Variants in ZBTB7A observed in about 807,000 individuals in gnomAD.
ZBTB7A encodes the protein zinc finger and BTB domain containing 7A.
A neutral mutation model predicts 26.7 loss-of-function variants in ZBTB7A; 7 were observed. The observed-to-expected ratio is 0.26, with a 90% CI of 0.15 to 0.49. The LOEUF (loss-of-function observed/expected upper bound fraction) is 0.49. Ranked by LOEUF, ZBTB7A falls within the 20% of genes least tolerant of loss-of-function variation. The probability of loss-of-function intolerance (pLI) is 0.98; values close to 1 mark genes in which losing one functional copy is unlikely to be tolerated. For missense variants in ZBTB7A, 617 were observed against 919.5 expected (o/e 0.67, Z 4.25); for synonymous variants, 452 against 441.0 (o/e 1.02, Z -0.31).
At chr19:4,061,460 G>A (rs1236859862) in intron 1 of ZBTB7A, among the ~76,000 whole-genome samples, 1 of 152,102 alleles carries the variant, frequency 6.6e-6, no homozygotes, top group African/African-American at 2.4e-5. Flanking sequence ...GCCTGGCCCA[G>A]TCCTCGGCCT....
intron 1 of ZBTB7A, among the ~76,000 whole-genome samples, chr19:4,059,473 C>T (rs1249835705): frequency 2.0e-5 from 3 of 152,114 alleles, no homozygotes; most frequent in Admixed American, 6.5e-5. Context: ...CTCAAAGCAG[C>T]GAGGCCCGGG....
At chr19:4,059,236 C>T (rs1045615421) in intron 1 of ZBTB7A, among the ~76,000 whole-genome samples, 14 of 152,214 alleles carry the variant, frequency 9.2e-5, no homozygotes, top group African/African-American at 3.4e-4. Context: ...GCCGTTCCTC[C>T]CCTCGGGTGA....
Position 4,055,035 on chromosome 19 carries a change from G to T in ZBTB7A, c.198C>A (p.Gly66=), listed in dbSNP as rs953710466. 3.1e-6 allele frequency: 5 copies of T among 1,610,438 alleles called. No individual in the cohort carries two copies. The highest frequency in any genetic ancestry group is 4.2e-6 in the Non-Finnish European group (5 of 1,178,854). The change falls in exon 2 of 3, where the codon GGC becomes GGA. Residue 66 remains glycine, a synonymous_variant. Coordinates refer to ENST00000322357, the MANE Select transcript of ZBTB7A (RefSeq NM_015898.4). The part of the protein sequence containing the change: ...SQYFKKLFTS[G]AVVDQQNVYE... ...ACACGTTCTGCTGGTCCACCACGGCGCCCGACGTGAACAGCTTCTTGAAGT... is the reference window on the plus strand; with the variant it reads ...ACACGTTCTGCTGGTCCACCACGGCTCCCGACGTGAACAGCTTCTTGAAGT...
rs1299968386 is a variant in ZBTB7A, at chr19:4,054,869, C to T, written c.364G>A (p.Val122Met). ...TGCCGGTCCAGGAGGTCGGCGCACA[C>T]GTGGCTCACGGCGGGGATCTCCAGC... is the stretch of plus-strand genomic sequence containing the variant. ...RLLEIPAVSHVCADLLDRQIL... is the reference protein window; with the variant it reads ...RLLEIPAVSHMCADLLDRQIL... The change falls in exon 2 of 3, where the codon GTG becomes ATG. Residue 122 changes from valine (V) to methionine (M), a missense_variant. Val to Met is a conservative substitution (Grantham distance 21). Around this residue, in one of 5 missense-constraint regions of ZBTB7A, gnomAD observed 82 missense variants for 195.2 expected, o/e 0.42. Transcript: ENST00000322357. 1 of 1,610,282 alleles carries T rather than the reference C, an allele frequency of 6.2e-7. No individual in the cohort carries two copies. The highest frequency in any genetic ancestry group is 8.5e-7 in the Non-Finnish European group (1 of 1,178,384).
At chr19:4,061,068 A>C (rs2040633219) in intron 1 of ZBTB7A, among the ~76,000 whole-genome samples, 1 of 152,096 alleles carries the variant, frequency 6.6e-6, no homozygotes, top group Non-Finnish European at 1.5e-5. Context: ...GGGGCCCCCC[A>C]CTGTGGTCAG....
intron 1 of ZBTB7A, among the ~76,000 whole-genome samples, chr19:4,061,462 C>G (rs1022466877): frequency 6.6e-6 from 1 of 152,158 alleles, no homozygotes. Flanking sequence ...CTGGCCCAGT[C>G]CTCGGCCTGG....
chr19:4,046,176 CGGG>C lies in ZBTB7A; in HGVS notation c.*1573_*1575del, dbSNP rs1032350770. ...CAAAAAAGGGGACAGAAAGGGGGAGCGGGGGGAACACAGCACGAACACCCCACA... is the reference window on the plus strand; with the variant it reads ...CAAAAAAGGGGACAGAAAGGGGGAGCGGGAACACAGCACGAACACCCCACA... On this transcript the variant is annotated 3_prime_UTR_variant, in exon 3 of 3. Coordinates refer to ENST00000322357, the MANE Select transcript of ZBTB7A (RefSeq NM_015898.4). 9 of 396,828 alleles carry C rather than the reference CGGG, an allele frequency of 2.3e-5. No individual in the cohort carries two copies. The highest frequency in any genetic ancestry group is 4.0e-5 in the Non-Finnish European group (9 of 225,222). The allele number at this position is 396,828 out of a possible 1,614,324, so 24.6% of individuals were successfully genotyped here. A position where few individuals can be genotyped will look rare whatever the true frequency, so the allele number is the denominator to read the frequency against.
At chr19:4,056,593 G>T (rs531524259) in intron 1 of ZBTB7A, among the ~76,000 whole-genome samples, 1 of 152,236 alleles carries the variant, frequency 6.6e-6, no homozygotes, top group South Asian at 2.1e-4. Flanking sequence ...AATTAGGCTG[G>T]GTGTGGTGGC....
At position 4,054,432 on chromosome 19, in the gene ZBTB7A, C is replaced by A; in HGVS notation, c.801G>T (p.Thr267=). The change falls in exon 2 of 3, where the codon ACG becomes ACT. Residue 267 remains threonine (T), a synonymous_variant. Transcript: ENST00000322357. ...CGCCGCGGCCGTAGTGGCCGTTCTG[C>A]GTGGCGGCCGGCGGGGCCACCGGCG... ...FPPPVAPPAA[T]QNGHYGRGGE... is the part of the protein sequence containing the mutation. 7.4e-7 allele frequency: 1 copy of A among 1,360,478 alleles called. No individual in the cohort carries two copies. Among genetic ancestry groups the A allele is most frequent in the Non-Finnish European group, 9.4e-7 (1 of 1,064,422 alleles). The allele number at this position is 1,360,478 out of a possible 1,614,324, so 84.3% of individuals were successfully genotyped here. A position where few individuals can be genotyped will look rare whatever the true frequency, so the allele number is the denominator to read the frequency against.
intron 1 of ZBTB7A, among the ~76,000 whole-genome samples, chr19:4,064,175 C>T (rs1238045538): frequency 6.6e-6 from 1 of 152,246 alleles, no homozygotes; most frequent in Non-Finnish European, 1.5e-5. Context: ...CGTGGCTGCC[C>T]GCCCGGGCCC....
At chr19:4,051,321 G>A (rs1454506423) in intron 2 of ZBTB7A, among the ~76,000 whole-genome samples, 5 of 152,002 alleles carry the variant, frequency 3.3e-5, no homozygotes, top group Non-Finnish European at 5.9e-5. Context: ...TCAATAGACT[G>A]AAGACTTCTT....
chr19:4,043,804 G>C lies in ZBTB7A; in HGVS notation c.*3948C>G. Among the ~76,000 whole-genome samples the C allele has an allele frequency of 8.4e-6, 1 of 119,318 alleles. No homozygotes were observed. The allele number at this position is 119,318 out of a possible 152,430, so 78.3% of individuals were successfully genotyped here. On this transcript the variant is annotated 3_prime_UTR_variant, in exon 3 of 3. Transcript: ENST00000322357. The stretch of plus-strand genomic sequence containing the variant: ...GGTTGTAGCTCCTGGGGCACCCCCA[G>C]CCTCCAGGCCCCTGACCCGTCCTGC...
intron 2 of ZBTB7A, among the ~76,000 whole-genome samples, chr19:4,049,244 C>G (rs2040471585): frequency 8.5e-6 from 1 of 117,408 alleles, no homozygotes; most frequent in Non-Finnish European, 1.8e-5. Flanking sequence ...GCTACGTTAC[C>G]CAGGCTAATC....
At chr19:4,050,755 C>G (rs969028173) in intron 2 of ZBTB7A, among the ~76,000 whole-genome samples, 11 of 152,146 alleles carry the variant, frequency 7.2e-5, no homozygotes, top group Non-Finnish European at 1.5e-4. Context: ...CTTTCACCAA[C>G]TCTCTTTGAC....
Position 4,054,972 on chromosome 19 carries a change from C to G in ZBTB7A, c.261G>C (p.Ala87=), listed in dbSNP as rs752385121. The G allele has an allele frequency of 1.9e-5, 31 of 1,612,034 alleles. 1 individual carries two copies. Among genetic ancestry groups the G allele is most frequent in the South Asian group, 1.9e-4 (17 of 91,052 alleles). The change falls in exon 2 of 3, where the codon GCG becomes GCC. Residue 87 remains alanine, a synonymous_variant. Transcript: ENST00000322357. ...IDFVSAEALT[A]LMDFAYTATL... ...TGGCCGTGTAGGCGAAGTCCATGAG[C>G]GCGGTGAGCGCCTCGGCGCTGACGA...
Position 4,047,653 on chromosome 19 carries a change from AGATT to A in ZBTB7A, c.*95_*98del, listed in dbSNP as rs1032625303. The A allele has an allele frequency of 1.4e-5, 18 of 1,286,028 alleles. No individual in the cohort carries two copies. The highest frequency in any genetic ancestry group is 9.3e-5 in the African/African-American group (6 of 64,188). 79.7% of individuals were successfully genotyped at this position (1,286,028 alleles called of 1,614,324 possible). A position where few individuals can be genotyped will look rare whatever the true frequency, so the allele number is the denominator to read the frequency against. ...TAGATATAGATATCTGTATATAGAT[AGATT>A]TTCTTTTTTTGTGTTTTTGGGGGGG... On this transcript the variant is annotated 3_prime_UTR_variant, in exon 3 of 3. Transcript: ENST00000322357.
Position 4,048,151 on chromosome 19 carries a change from G to A in ZBTB7A, c.1356C>T (p.Asp452=). ...QCGAAFAHNY[D]LKNHMRVHTG... is the part of the protein sequence containing the mutation. ...TGTGCACGCGCATGTGGTTCTTCAG[G>A]TCGTAGTTGTGGGCAAAGGCGGCGC... Residue 452 remains aspartate (D), a synonymous_variant, in exon 3 of 3, where the codon GAC becomes GAT. Coordinates refer to ENST00000322357, the MANE Select transcript of ZBTB7A (RefSeq NM_015898.4). The surrounding 1 kb of genome is among the most constrained non-coding windows in gnomAD (Gnocchi z 6.7). 6.2e-7 allele frequency: 1 copy of A among 1,610,082 alleles called. No homozygotes were observed. The highest frequency in any genetic ancestry group is 8.5e-7 in the Non-Finnish European group (1 of 1,179,192).
chr19:4,055,379 C>G, intron 1 of ZBTB7A, 132 bp from the exon 2 acceptor site: 9 of 1,393,398 alleles, frequency 6.5e-6, no homozygotes, highest in Non-Finnish European at 7.4e-6. Flanking sequence ...CCCACCTGCA[C>G]GTGAAGGCGG....
rs912223544 is a variant in ZBTB7A, at chr19:4,045,707, A to G, written c.*2045T>C. ...GCAGAGCGTCTATTTTCGGGGTCCC[A>G]TGCTAGCATTGCATATGCAAACGGG... On this transcript the variant is annotated 3_prime_UTR_variant, in exon 3 of 3. Coordinates refer to ENST00000322357, the MANE Select transcript of ZBTB7A (RefSeq NM_015898.4). This position sits in a 1 kb window ranked among gnomAD's most constrained non-coding sequence, Gnocchi z 4.1. 3 of 385,166 alleles carry G rather than the reference A, an allele frequency of 7.8e-6. No individual in the cohort carries two copies. Among genetic ancestry groups the G allele is most frequent in the Non-Finnish European group, 1.4e-5 (3 of 218,526 alleles). The allele number at this position is 385,166 out of a possible 1,614,324, so 23.9% of individuals were successfully genotyped here.
Sources: allele counts gnomAD v4.1 joint callset (sites outside exome capture counted in the v4.1 genomes callset), GRCh38; gene constraint gnomAD v4.1.1; regional missense constraint gnomAD v4.1.1; non-coding constraint Gnocchi (gnomAD v3.1); transcripts MANE v1.5; gene names NCBI Gene and HGNC (gene_info 2026-07-23, HGNC 2026-07-21).